The following SPTLC1 variants were observed in gnomAD, a reference collection of about 807,000 sequenced individuals.
SPTLC1 encodes serine palmitoyltransferase long chain base subunit 1, also known as serine palmitoyltransferase 1.
In SPTLC1, 55 loss-of-function variants were observed where a neutral mutation model predicts 68.9. The ratio of observed to expected loss-of-function variants is 0.80; its 90% confidence interval spans 0.64 to 1.00. The LOEUF (loss-of-function observed/expected upper bound fraction) is 1.00. Among genes scored for constraint, SPTLC1 ranks in the 50% least tolerant of loss-of-function variants. The pLI is 0.00. For missense variants in SPTLC1, 449 were observed against 573.1 expected (o/e 0.78, Z 2.21); for synonymous variants, 197 against 201.6 (o/e 0.98, Z 0.19).
chr9:92,086,303 T>A (rs1835127873), intron 3 of SPTLC1, among the ~76,000 whole-genome samples: 1 of 152,082 alleles, frequency 6.6e-6, no homozygotes, highest in Non-Finnish European at 1.5e-5. Context: ...AGCTGGTTAT[T>A]TTGCTCGTTA....
intron 8 of SPTLC1, among the ~76,000 whole-genome samples, chr9:92,052,463 CTATAAACTCTTAGGGGGAAACATAGCA>C (rs2118488831): frequency 6.6e-6 from 1 of 152,136 alleles, no homozygotes; most frequent in South Asian, 2.1e-4. Context: ...AGACTGAAAA[CTATAAACTCTTAGGGGGAAACATAGCA>C]ATAAATCTTG....
chr9:92,038,418 C>G, intron 12 of SPTLC1, 53 bp from the exon 13 acceptor site: 1 of 1,164,100 alleles, frequency 8.6e-7, no homozygotes, highest in Non-Finnish European at 1.3e-6. Flanking sequence ...GCTTGAAGAT[C>G]GCTCACGGAG....
At chr9:92,059,996 C>T (rs79677150) in intron 6 of SPTLC1, among the ~76,000 whole-genome samples, 7,874 of 152,270 alleles carry the variant, frequency 0.052, 267 homozygotes, top group Middle Eastern at 0.065. Flanking sequence ...CTAACTTCCA[C>T]CTGCACTTGG....
intron 3 of SPTLC1, among the ~76,000 whole-genome samples, chr9:92,106,615 G>C (rs905857570): frequency 6.6e-5 from 10 of 152,006 alleles, no homozygotes; most frequent in African/African-American, 2.2e-4. Flanking sequence ...CTCTGACTCG[G>C]CCCACGTGCT....
intron 6 of SPTLC1, among the ~76,000 whole-genome samples, chr9:92,060,231 T>C (rs916351399): frequency 3.9e-5 from 6 of 152,164 alleles, no homozygotes; most frequent in African/African-American, 1.2e-4. Flanking sequence ...ATAAAAGAGA[T>C]GGCTTAAACT....
At chr9:92,056,936 C>T (rs1420479140) in intron 7 of SPTLC1, among the ~76,000 whole-genome samples, 4 of 152,314 alleles carry the variant, frequency 2.6e-5, no homozygotes, top group Middle Eastern at 6.8e-3. Context: ...CTAATTTCTA[C>T]ACAGGGCATG....
At chr9:92,088,034 G>A (rs1003170085) in intron 3 of SPTLC1, among the ~76,000 whole-genome samples, 2 of 152,252 alleles carry the variant, frequency 1.3e-5, no homozygotes, top group Admixed American at 6.5e-5. Flanking sequence ...CTGTGTGGGC[G>A]TAGGACCCTC....
intron 3 of SPTLC1, among the ~76,000 whole-genome samples, chr9:92,087,405 G>A (rs1266092018): frequency 1.3e-5 from 2 of 152,144 alleles, no homozygotes; most frequent in Non-Finnish European, 2.9e-5. Flanking sequence ...TGATGGTGAT[G>A]TACAGATGGG....
intron 12 of SPTLC1, among the ~76,000 whole-genome samples, chr9:92,044,186 A>G (rs1433292692): frequency 6.6e-6 from 1 of 152,184 alleles, no homozygotes; most frequent in Non-Finnish European, 1.5e-5. Context: ...TCATGAAACG[A>G]TGTGGAGCTC....
chr9:92,053,933 G>A (rs1833794334), intron 8 of SPTLC1: 1 of 983,510 alleles, frequency 1.0e-6, no homozygotes, highest in African/African-American at 1.7e-5. Context: ...CCTCAATAAA[G>A]GAAATCTCAA....
chr9:92,104,336 C>A (rs1261808873), intron 3 of SPTLC1: 54 of 1,393,266 alleles, frequency 3.9e-5, no homozygotes, highest in Non-Finnish European at 5.0e-5. Context: ...CCTGTGCCTG[C>A]CCCGGGAATC....
At chr9:92,091,864 A>T (rs572579147) in intron 3 of SPTLC1, among the ~76,000 whole-genome samples, 10 of 152,350 alleles carry the variant, frequency 6.6e-5, no homozygotes, top group African/African-American at 1.9e-4. Context: ...AGAATAACTA[A>T]ATGATAGCTG....
Position 92,077,200 on chromosome 9 carries a change from C to T in SPTLC1, c.427+2816G>A, listed in dbSNP as rs188211688. ...CAGTCCATTTGAACTCTTACACGGC[C>T]GCACCTTTCTGCTGGGTCCCAACCT... On this transcript the variant is annotated intron_variant, in intron 5 of 14. Transcript: ENST00000262554. Among the ~76,000 whole-genome samples the T allele has an allele frequency of 1.9e-4, 29 of 152,230 alleles. No homozygotes were observed. In the East Asian group the frequency reaches 2.5e-3, roughly 13 times the overall value.
chr9:92,080,972 G>C lies in SPTLC1; in HGVS notation c.261-9C>G, dbSNP rs972205246. The C allele has an allele frequency of 5.6e-6, 9 of 1,601,402 alleles. No individual in the cohort carries two copies. The African/African-American group carries it at 6.7e-5, about 12-fold the overall frequency. On this transcript the variant is annotated splice_polypyrimidine_tract_variant and intron_variant, in intron 3 of 14. Transcript: ENST00000262554. ...TTTTGTGGCTTGGAGGGCTAGGGAA[G>C]AGATAGAGTGGTACATGTCAATTAC...
chr9:92,087,031 G>A (rs1320958314), intron 3 of SPTLC1, among the ~76,000 whole-genome samples: 4 of 151,760 alleles, frequency 2.6e-5, no homozygotes, highest in Non-Finnish European at 4.4e-5. Flanking sequence ...CCAGTTGATC[G>A]CATCAGCTCC....
chr9:92,068,314 T>C (rs1435654871), intron 5 of SPTLC1, among the ~76,000 whole-genome samples: 1 of 152,248 alleles, frequency 6.6e-6, no homozygotes, highest in Non-Finnish European at 1.5e-5. Flanking sequence ...GCTACGCATC[T>C]ATCTGCAAAA....
intron 6 of SPTLC1, among the ~76,000 whole-genome samples, chr9:92,064,286 CA>C (rs1489475149): frequency 6.6e-6 from 1 of 151,968 alleles, no homozygotes; most frequent in African/African-American, 2.4e-5. Flanking sequence ...AAAGAACTCT[CA>C]AAACTCATTA....
intron 3 of SPTLC1, among the ~76,000 whole-genome samples, chr9:92,081,447 G>A (rs1834882090): frequency 6.6e-6 from 1 of 152,222 alleles, no homozygotes; most frequent in Non-Finnish European, 1.5e-5. Flanking sequence ...TGTTCCCAAT[G>A]TCTAAAGTTA....
chr9:92,093,722 A>T (rs1164932274), intron 3 of SPTLC1, among the ~76,000 whole-genome samples: 1 of 152,226 alleles, frequency 6.6e-6, no homozygotes, highest in Non-Finnish European at 1.5e-5. Flanking sequence ...TACAAACTCA[A>T]TGCAATCACA....
Sources: gnomAD v4.1 joint callset for allele counts (sites outside exome capture counted in the v4.1 genomes callset) on GRCh38, gnomAD v4.1.1 for gene constraint, MANE v1.5 for transcripts, NCBI Gene and HGNC (gene_info 2026-07-23, HGNC 2026-07-21) for gene names.